ZNF804B: variants seen among roughly 807,000 people sequenced by gnomAD.
The protein encoded by ZNF804B is zinc finger protein 804B.
Under a neutral mutation model 101.4 loss-of-function variants are expected in ZNF804B, and 80 were observed. The observed-to-expected ratio is 0.79, with a 90% CI of 0.66 to 0.95. The LOEUF is 0.95. Ranked by LOEUF, ZNF804B falls within the 40% of genes least tolerant of loss-of-function variation. The pLI is 0.00. For missense variants in ZNF804B, 1,673 were observed against 1,561.9 expected (o/e 1.07, Z -1.20); for synonymous variants, 622 against 558.8 (o/e 1.11, Z -1.59).
rs569178522 is a variant in ZNF804B at position 88,767,032 on chromosome 7, T to C, written c.108+6948T>C. Among the ~76,000 whole-genome samples, 3 of 152,350 alleles carry C rather than the reference T, an allele frequency of 2.0e-5. No individual in the cohort carries two copies. In the East Asian group the frequency reaches 5.8e-4, roughly 29 times the overall value. On this transcript the variant is annotated intron_variant, in intron 1 of 3. Coordinates refer to ENST00000333190, the MANE Select transcript of ZNF804B (RefSeq NM_181646.5). ...TTTTTTCTTTTCTTAAACAATCTTCTTCCTCTCTATTCTTCTTGCCATCAG... is the reference window on the plus strand; with the variant it reads ...TTTTTTCTTTTCTTAAACAATCTTCCTCCTCTCTATTCTTCTTGCCATCAG...
intron 1 of ZNF804B, among the ~76,000 whole-genome samples, chr7:89,075,528 C>T (rs1789603892): frequency 6.6e-6 from 1 of 152,192 alleles, no homozygotes; most frequent in African/African-American, 2.4e-5. Context: ...ACCTGGATTT[C>T]AGAGGATGTG....
intron 1 of ZNF804B, among the ~76,000 whole-genome samples, chr7:88,957,934 G>GTGTA (rs1554349620): frequency 6.6e-5 from 10 of 150,994 alleles, no homozygotes; most frequent in African/African-American, 1.2e-4. Context: ...GTGTGTGTGT[G>GTGTA]TATATATATA....
At chr7:89,241,181 T>C (rs73399106) in intron 2 of ZNF804B, among the ~76,000 whole-genome samples, 5,422 of 152,152 alleles carry the variant, frequency 0.036, 299 homozygotes, top group African/African-American at 0.12. Flanking sequence ...TAATACAACT[T>C]TACTCCCCCA....
intron 1 of ZNF804B, among the ~76,000 whole-genome samples, chr7:89,179,217 A>G (rs2115575299): frequency 6.6e-6 from 1 of 152,250 alleles, no homozygotes; most frequent in South Asian, 2.1e-4. Context: ...AGGTTTGAGA[A>G]GTTCTCTGTT....
chr7:89,035,144 G>A (rs73387004), intron 1 of ZNF804B, among the ~76,000 whole-genome samples: 5,616 of 152,092 alleles, frequency 0.037, 342 homozygotes, highest in African/African-American at 0.13. Flanking sequence ...TTCAATAAGT[G>A]TTCTAAACTA....
At chr7:88,844,120 C>T (rs1000891406) in intron 1 of ZNF804B, among the ~76,000 whole-genome samples, 3 of 151,986 alleles carry the variant, frequency 2.0e-5, no homozygotes, top group African/African-American at 7.3e-5. Context: ...ATTATTTTAA[C>T]ATAAATTACA....
intron 1 of ZNF804B, among the ~76,000 whole-genome samples, chr7:89,131,847 G>A (rs932557674): frequency 6.6e-6 from 1 of 151,942 alleles, no homozygotes. Flanking sequence ...TTCTGGAGAC[G>A]TACTCAACCT....
intron 1 of ZNF804B, among the ~76,000 whole-genome samples, chr7:88,851,919 G>A (rs1199431831): frequency 3.3e-5 from 5 of 152,042 alleles, no homozygotes; most frequent in African/African-American, 7.2e-5. Flanking sequence ...AGTACCATGT[G>A]ATATGAAATA....
At position 89,118,386 on chromosome 7, in the gene ZNF804B, CACTTTA is replaced by C. The variant is rs537606586; in HGVS notation, c.109-99762_109-99757del. Reference sequence around the variant, plus strand: ...TGAGATAATCTCCATAGTTTCTAGGCACTTTAACTTTATTTACACATAAGAAATTAA... The same window carrying C: ...TGAGATAATCTCCATAGTTTCTAGGCACTTTATTTACACATAAGAAATTAA... On this transcript the variant is annotated intron_variant, in intron 1 of 3. Transcript: ENST00000333190. Among the ~76,000 whole-genome samples, 315 of 152,198 alleles carry C rather than the reference CACTTTA, an allele frequency of 2.1e-3. 2 individuals carry two copies. Among genetic ancestry groups the C allele is most frequent in the African/African-American group, 7.3e-3 (305 of 41,540 alleles).
Position 88,864,834 on chromosome 7 carries a change from T to A in ZNF804B, c.108+104750T>A, listed in dbSNP as rs542074425. Among the ~76,000 whole-genome samples, 19 of 152,198 alleles carry A rather than the reference T, an allele frequency of 1.2e-4. 1 individual carries two copies. The highest frequency in any genetic ancestry group is 3.4e-3 in the Middle Eastern group (1 of 294). Reference sequence around the variant, plus strand: ...GGAACAAATGGCCAAGGACATGAGATTGCAGGCAAATTTGAGCTGCTCTGA... The same window carrying A: ...GGAACAAATGGCCAAGGACATGAGAATGCAGGCAAATTTGAGCTGCTCTGA... On this transcript the variant is annotated intron_variant, in intron 1 of 3. Transcript: ENST00000333190.
chr7:88,830,471 A>G (rs1431320349), intron 1 of ZNF804B, among the ~76,000 whole-genome samples: 1 of 152,022 alleles, frequency 6.6e-6, no homozygotes, highest in Non-Finnish European at 1.5e-5. Flanking sequence ...TTGGGCTCCT[A>G]TATTCATGCA....
chr7:89,088,153 T>C (rs1227160367), intron 1 of ZNF804B, among the ~76,000 whole-genome samples: 1 of 152,088 alleles, frequency 6.6e-6, no homozygotes, highest in African/African-American at 2.4e-5. Context: ...TTCCTCTCAG[T>C]GTTCTGTTCT....
At chr7:88,831,269 TG>T (rs1791128006) in intron 1 of ZNF804B, among the ~76,000 whole-genome samples, 1 of 151,942 alleles carries the variant, frequency 6.6e-6, no homozygotes, top group African/African-American at 2.4e-5. Context: ...TACTTTCTAT[TG>T]CTAAGGATTT....
chr7:89,294,535 C>G (rs1247651705), intron 2 of ZNF804B, among the ~76,000 whole-genome samples: 3 of 151,970 alleles, frequency 2.0e-5, no homozygotes, highest in Non-Finnish European at 2.9e-5. Flanking sequence ...TGAAATATGT[C>G]TAATTGCTTT....
chr7:88,961,039 A>G (rs1456532500), intron 1 of ZNF804B, among the ~76,000 whole-genome samples: 1 of 151,406 alleles, frequency 6.6e-6, no homozygotes, highest in African/African-American at 2.4e-5. Context: ...TAGTGTATGA[A>G]ATATATTTTA....
At chr7:88,780,180 T>C (rs1033707394) in intron 1 of ZNF804B, among the ~76,000 whole-genome samples, 24 of 152,190 alleles carry the variant, frequency 1.6e-4, no homozygotes, top group African/African-American at 5.5e-4. Flanking sequence ...TACAAAATAC[T>C]GGTGAGGATG....
chr7:88,782,647 G>A (rs1223483424), intron 1 of ZNF804B, among the ~76,000 whole-genome samples: 2 of 152,030 alleles, frequency 1.3e-5, no homozygotes, highest in Non-Finnish European at 2.9e-5. Context: ...GGAAAACATT[G>A]CCTTATTGTC....
rs115743945 is a variant in ZNF804B, at chr7:88,767,202, C to G, written c.108+7118C>G. 7.1e-3 allele frequency among the ~76,000 whole-genome samples: 1,076 copies of G among 152,238 alleles called. 10 individuals carry two copies. The highest frequency in any genetic ancestry group is 0.024 in the African/African-American group (1,010 of 41,520). ...TACTCTATTCTGTGCGCTCTTTCACCCAACCTTACAAGTTTCTCCCCTGTT... is the reference window on the plus strand; with the variant it reads ...TACTCTATTCTGTGCGCTCTTTCACGCAACCTTACAAGTTTCTCCCCTGTT... On this transcript the variant is annotated intron_variant, in intron 1 of 3. Transcript: ENST00000333190.
intron 1 of ZNF804B, among the ~76,000 whole-genome samples, chr7:88,776,438 C>T (rs1036007314): frequency 3.9e-5 from 6 of 152,018 alleles, no homozygotes; most frequent in African/African-American, 2.4e-5. Flanking sequence ...CAAATAGCAG[C>T]CCTGTGTTTT....
Sources: allele counts gnomAD v4.1 joint callset (sites outside exome capture counted in the v4.1 genomes callset), GRCh38; gene constraint gnomAD v4.1.1; transcripts MANE v1.5; gene names NCBI Gene and HGNC (gene_info 2026-07-23, HGNC 2026-07-21).